FHOD3: variants seen among roughly 807,000 people sequenced by gnomAD.
FHOD3 encodes the protein FH1/FH2 domain-containing protein 3.
In FHOD3, 90 loss-of-function variants were observed where a neutral mutation model predicts 173.0. The observed-to-expected ratio is 0.52, with a 90% CI of 0.44 to 0.62. FHOD3 has a LOEUF of 0.62. Among genes scored for constraint, FHOD3 ranks in the 20% least tolerant of loss-of-function variants. The pLI, the probability that FHOD3 is intolerant of heterozygous loss-of-function variation, is 0.00. For synonymous variants in FHOD3, 828 were observed against 823.0 expected, an observed-to-expected ratio of 1.01 and a Z score of -0.10; for missense variants, 1,945 against 2,034.7, an observed-to-expected ratio of 0.96 and a Z score of 0.85.
At chr18:36,490,896 C>T (rs2054433140) in intron 3 of FHOD3, among the ~76,000 whole-genome samples, 1 of 152,142 alleles carries the variant, frequency 6.6e-6, no homozygotes, top group Non-Finnish European at 1.5e-5. Flanking sequence ...TGTACCCTTC[C>T]CTTTAGGAAC....
chr18:36,576,262 C>T (rs1406532711), intron 5 of FHOD3, among the ~76,000 whole-genome samples, 189 bp from the exon 6 acceptor site: 1 of 152,170 alleles, frequency 6.6e-6, no homozygotes, highest in Non-Finnish European at 1.5e-5. Context: ...GCCCTTGTTT[C>T]TTCTAGTGTT....
intron 10 of FHOD3, among the ~76,000 whole-genome samples, chr18:36,635,220 C>G (rs995118100): frequency 2.0e-5 from 3 of 152,164 alleles, no homozygotes; most frequent in Non-Finnish European, 4.4e-5. Context: ...TGCAATGCTC[C>G]TGGTATCTGG....
chr18:36,669,955 C>G (rs77421449), intron 14 of FHOD3, among the ~76,000 whole-genome samples: 2,880 of 151,674 alleles, frequency 0.019, 84 homozygotes, highest in African/African-American at 0.065. Flanking sequence ...TTTTATATGT[C>G]TGGAAAAAAT....
intron 3 of FHOD3, among the ~76,000 whole-genome samples, chr18:36,410,627 C>T (rs943962978): frequency 5.9e-5 from 9 of 152,118 alleles, no homozygotes; most frequent in African/African-American, 2.2e-4. Flanking sequence ...ATGAGATTTC[C>T]AGTTTTTCCA....
chr18:36,711,542 A>G (rs1195773248), intron 18 of FHOD3: 4 of 152,202 alleles, frequency 2.6e-5, no homozygotes, highest in Admixed American at 1.3e-4. Context: ...CTGTCTATTC[A>G]TCGTGAGTCC....
intron 5 of FHOD3, among the ~76,000 whole-genome samples, chr18:36,529,595 G>C (rs1277944125): frequency 1.3e-5 from 2 of 151,976 alleles, no homozygotes; most frequent in Non-Finnish European, 2.9e-5. Context: ...GAGGCGGGTG[G>C]ATCACTTGAG....
At chr18:36,461,962 A>T (rs1431298920) in intron 3 of FHOD3, among the ~76,000 whole-genome samples, 1 of 152,242 alleles carries the variant, frequency 6.6e-6, no homozygotes, top group African/African-American at 2.4e-5. Flanking sequence ...ATTAAGTTGG[A>T]CAGGAAGATC....
At chr18:36,741,380 GC>G (rs2041895153) in intron 21 of FHOD3, among the ~76,000 whole-genome samples, 1 of 152,188 alleles carries the variant, frequency 6.6e-6, no homozygotes. Context: ...TTTTTCGCAG[GC>G]TGAACAGAAG....
intron 9 of FHOD3, among the ~76,000 whole-genome samples, chr18:36,613,971 C>T (rs752894209): frequency 6.6e-6 from 1 of 152,278 alleles, no homozygotes; most frequent in Middle Eastern, 3.4e-3. Context: ...CTGTGCCTGA[C>T]CCTGGTTGTT....
chr18:36,597,279 C>T (rs975218379), intron 7 of FHOD3, among the ~76,000 whole-genome samples: 1 of 152,106 alleles, frequency 6.6e-6, no homozygotes, highest in Non-Finnish European at 1.5e-5. Context: ...CCATCCATAG[C>T]CCCAGCCAGA....
chr18:36,482,858 CAGAGAGAGAGAGAGAGAGAGAG>C (rs138052316), intron 3 of FHOD3, among the ~76,000 whole-genome samples: 2 of 130,374 alleles, frequency 1.5e-5, no homozygotes, highest in Non-Finnish European at 3.2e-5. Context: ...CACACACACA[CAGAGAGAGAGAGAGAGAGAGAG>C]AGAGAGAGAG....
intron 5 of FHOD3, among the ~76,000 whole-genome samples, chr18:36,563,619 G>A (rs2058164238): frequency 6.6e-6 from 1 of 152,188 alleles, no homozygotes; most frequent in Non-Finnish European, 1.5e-5. Context: ...ATAGTTTTTG[G>A]AAGTAAGAAA....
Position 36,730,782 on chromosome 18 carries a change from C to T in FHOD3, c.3554C>T (p.Ala1185Val), listed in dbSNP as rs1242312096. 6.2e-7 allele frequency: 1 copy of T among 1,613,958 alleles called. No individual in the cohort carries two copies. Among genetic ancestry groups the T allele is most frequent in the Non-Finnish European group, 8.5e-7 (1 of 1,179,982 alleles). Reference protein sequence around the residue: ...KIAILNFDEYALNKEGIEKIL... With the variant: ...KIAILNFDEYVLNKEGIEKIL... ...GCCATTTTGAATTTTGATGAGTATG[C>T]CTTAAACAAAGAAGGAATCGAGGTG... is the stretch of plus-strand genomic sequence containing the variant. The change falls in exon 20 of 29, where the codon GCC (alanine) becomes GTC (valine). Residue 1185 changes from alanine to valine, a missense_variant. By Grantham distance (64) the Ala-to-Val change is moderately conservative. Around this residue, in one of 5 missense-constraint regions of FHOD3, gnomAD observed 231 missense variants for 321.9 expected, o/e 0.72. Transcript: ENST00000590592.
chr18:36,316,016 G>C (rs1455248350), intron 1 of FHOD3, among the ~76,000 whole-genome samples: 1 of 151,776 alleles, frequency 6.6e-6, no homozygotes, highest in Non-Finnish European at 1.5e-5. Flanking sequence ...GGAGTGGGAG[G>C]GGAGAAGGAG....
chr18:36,496,546 T>C (rs1049671268), intron 3 of FHOD3, among the ~76,000 whole-genome samples: 4 of 152,242 alleles, frequency 2.6e-5, no homozygotes, highest in African/African-American at 9.6e-5. Context: ...CAGGTAGCTT[T>C]GAGTTTTAAT....
intron 3 of FHOD3, among the ~76,000 whole-genome samples, chr18:36,412,105 G>A (rs545548494): frequency 1.7e-4 from 26 of 152,292 alleles, no homozygotes; most frequent in South Asian, 4.1e-4. Flanking sequence ...CCCATCCCAC[G>A]CAGGCAGGAA....
chr18:36,596,217 C>T (rs545317294), intron 7 of FHOD3, among the ~76,000 whole-genome samples: 92 of 151,354 alleles, frequency 6.1e-4, no homozygotes, highest in African/African-American at 1.8e-3. Flanking sequence ...TGCAGTGGCG[C>T]GATCTCGGCT....
At chr18:36,458,751 C>G (rs143689775) in intron 3 of FHOD3, among the ~76,000 whole-genome samples, 2 of 143,340 alleles carry the variant, frequency 1.4e-5, no homozygotes, top group African/African-American at 5.2e-5. Flanking sequence ...ATCGGGGTGA[C>G]TTGGCCAAGC....
chr18:36,321,752 GC>G (rs2044405661), intron 1 of FHOD3, among the ~76,000 whole-genome samples: 1 of 152,170 alleles, frequency 6.6e-6, no homozygotes, highest in Non-Finnish European at 1.5e-5. Flanking sequence ...CGTGCGTGGT[GC>G]TATTTGTAAC....
Sources: gnomAD v4.1 joint callset for allele counts (sites outside exome capture counted in the v4.1 genomes callset) on GRCh38, gnomAD v4.1.1 for gene constraint, gnomAD v4.1.1 regional missense constraint, MANE v1.5 for transcripts, NCBI Gene and HGNC (gene_info 2026-07-23, HGNC 2026-07-21) for gene names.